Variants in HAVCR1 observed in about 807,000 individuals in gnomAD.
HAVCR1 encodes hepatitis A virus cellular receptor 1, also known as T cell immunoglobin domain and mucin domain protein 1.
Under a neutral mutation model 32.0 loss-of-function variants are expected in HAVCR1, and 34 were observed. That is an observed-to-expected ratio of 1.06 (90% CI 0.81 to 1.42). The LOEUF (loss-of-function observed/expected upper bound fraction) is 1.42. Ranked by LOEUF, HAVCR1 falls within the 40% of genes most tolerant of loss-of-function variation. The pLI, the probability that HAVCR1 is intolerant of heterozygous loss-of-function variation, is 0.00. For missense variants in HAVCR1, 420 were observed against 442.3 expected, an observed-to-expected ratio of 0.95 and a Z score of 0.45; for synonymous variants, 178 against 170.3, an observed-to-expected ratio of 1.05 and a Z score of -0.35.
At chr5:157,031,563 C>T (rs1261688800) in intron 8 of HAVCR1, among the ~76,000 whole-genome samples, 1 of 152,100 alleles carries the variant, frequency 6.6e-6, no homozygotes, top group Non-Finnish European at 1.5e-5. Flanking sequence ...GTCCCTCACG[C>T]CTATAATCCC....
Position 157,052,578 on chromosome 5 carries a change from C to G in HAVCR1, c.456G>C (p.Thr152=), listed in dbSNP as rs61734032. 2.5e-6 allele frequency: 4 copies of G among 1,596,264 alleles called. No homozygotes were observed. In the African/African-American group the frequency reaches 5.4e-5, roughly 21 times the overall value. ...CAGTCGTCATTGGAACAGTCGTTGTCGTTGGAACAGTGGTGCTCGTTCGAA... is the reference window on the plus strand; with the variant it reads ...CAGTCGTCATTGGAACAGTCGTTGTGGTTGGAACAGTGGTGCTCGTTCGAA... ...TTVRTSTTVP[T]TTTVPMTTVP... Residue 152 remains threonine, a synonymous_variant, in exon 4 of 9, where the codon ACG becomes ACC. Transcript: ENST00000523175.
At chr5:157,057,037 C>T (rs893922117) in intron 2 of HAVCR1, among the ~76,000 whole-genome samples, 2 of 152,032 alleles carry the variant, frequency 1.3e-5, no homozygotes, top group Non-Finnish European at 2.9e-5. Context: ...CCCAACTAGG[C>T]CAGGCGCGGT....
At chr5:157,050,113 T>G (rs1309961749) in intron 4 of HAVCR1, among the ~76,000 whole-genome samples, 1 of 152,204 alleles carries the variant, frequency 6.6e-6, no homozygotes, top group East Asian at 1.9e-4. Context: ...CTGTTTCTCT[T>G]TCTCCACCAC....
chr5:157,045,286 A>T (rs1755323431), intron 5 of HAVCR1, among the ~76,000 whole-genome samples: 1 of 152,152 alleles, frequency 6.6e-6, no homozygotes, highest in African/African-American at 2.4e-5. Flanking sequence ...GATAAGGGGA[A>T]AACTACTATA....
intron 7 of HAVCR1, among the ~76,000 whole-genome samples, chr5:157,036,433 C>T (rs1311537680): frequency 3.3e-5 from 5 of 152,262 alleles, no homozygotes; most frequent in African/African-American, 7.2e-5. Context: ...GAGCCACGAT[C>T]GTGCCATTGC....
intron 5 of HAVCR1, among the ~76,000 whole-genome samples, chr5:157,044,368 C>CGAAG (rs573183336): frequency 0.029 from 921 of 31,266 alleles, 105 homozygotes; most frequent in Non-Finnish European, 0.034. Flanking sequence ...AAAGAAAGGA[C>CGAAG]GAAGGAAGGA....
chr5:157,053,084 T>A (rs1336819819), intron 3 of HAVCR1, among the ~76,000 whole-genome samples: 1 of 151,926 alleles, frequency 6.6e-6, no homozygotes, highest in Non-Finnish European at 1.5e-5. Context: ...GGCTAATTTT[T>A]AAAAAAACTT....
chr5:157,057,637 G>T (rs4704840), intron 2 of HAVCR1, among the ~76,000 whole-genome samples: 1 of 152,124 alleles, frequency 6.6e-6, no homozygotes, highest in South Asian at 2.1e-4. Context: ...TAAACACAAA[G>T]GGCAGCCTGT....
At position 157,037,379 on chromosome 5, in the gene HAVCR1, G is replaced by T; in HGVS notation, c.838-18C>A. ...AACAGTTGCTGAGGAAACAACAACAGATCAAAAAAGCATCTTGTTAGAAAG... is the reference window on the plus strand; with the variant it reads ...AACAGTTGCTGAGGAAACAACAACATATCAAAAAAGCATCTTGTTAGAAAG... On this transcript the variant is annotated intron_variant, in intron 6 of 8. Transcript: ENST00000523175. 2 of 1,046,482 alleles carry T rather than the reference G, an allele frequency of 1.9e-6. No homozygotes were observed. The highest frequency in any genetic ancestry group is 1.3e-5 in the South Asian group (1 of 75,422). 64.8% of individuals were successfully genotyped at this position (1,046,482 alleles called of 1,614,324 possible).
rs185380041 is a variant in HAVCR1, at chr5:157,029,739, C to T, written c.1089G>A (p.Thr363=). 98 of 1,612,686 alleles carry T rather than the reference C, an allele frequency of 6.1e-5. 1 individual carries two copies. In the East Asian group the frequency reaches 1.2e-3, roughly 20 times the overall value. Residue 363 remains threonine (T), a synonymous_variant, in exon 9 of 9, where the codon ACG becomes ACA. Transcript: ENST00000523175. ...CAAAGAGCACCACTGGGTCTTAGTC[C>T]GTGGCATAAAGACTATTCTCAATGT... is the stretch of plus-strand genomic sequence containing the variant. ...NIYIENSLYA[T]D
the HAVCR1 span, among the ~76,000 whole-genome samples, chr5:157,065,185 G>A: frequency 6.6e-6 from 1 of 152,290 alleles, no homozygotes; most frequent in Admixed American, 6.5e-5. Flanking sequence ...CAGGCGTGGT[G>A]GCAGGTGCCT....
Position 157,052,501 on chromosome 5 carries a change from A to G in HAVCR1, c.533T>C (p.Val178Ala), listed in dbSNP as rs1194946533. Residue 178 changes from valine (V) to alanine (A), a missense_variant, in exon 4 of 9, where the codon GTT (valine) becomes GCT (alanine). Transcript: ENST00000523175. ...CGTTGAAACAGTCATTGTCGTCAGA[A>G]CAGTCGTTGTCGTTGGAATGCTCAT... ...TTMSIPTTTT[V>A]LTTMTVSTTT... 1.2e-6 allele frequency: 2 copies of G among 1,600,508 alleles called. No individual in the cohort carries two copies. The highest frequency in any genetic ancestry group is 4.5e-5 in the East Asian group (2 of 44,466).
At chr5:157,034,218 G>A (rs1180088804) in intron 7 of HAVCR1, among the ~76,000 whole-genome samples, 1 of 152,038 alleles carries the variant, frequency 6.6e-6, no homozygotes, top group Non-Finnish European at 1.5e-5. Context: ...GGGGGATGTG[G>A]CAGGACTATA....
Position 157,056,536 on chromosome 5 carries a change from C to T in HAVCR1, c.47-1003G>A, listed in dbSNP as rs574021733. ...CTGAGACTACAGGCACACGCCGCCA[C>T]GCCCGGCTAATTTTTTTGTATTTTT... On this transcript the variant is annotated intron_variant, in intron 2 of 8. Transcript: ENST00000523175. Among the ~76,000 whole-genome samples the T allele has an allele frequency of 7.2e-5, 11 of 152,018 alleles. No homozygotes were observed. In the South Asian group the frequency reaches 1.3e-3, roughly 17 times the overall value.
At chr5:157,036,967 C>T (rs975563070) in intron 7 of HAVCR1, among the ~76,000 whole-genome samples, 1 of 152,070 alleles carries the variant, frequency 6.6e-6, no homozygotes, top group Non-Finnish European at 1.5e-5. Context: ...CTCAAGCAAT[C>T]CTCCTGCCTC....
intron 5 of HAVCR1, among the ~76,000 whole-genome samples, chr5:157,044,094 G>A (rs143297049): frequency 0.046 from 6,936 of 152,172 alleles, 490 homozygotes; most frequent in African/African-American, 0.15. Flanking sequence ...CACTTAGGGA[G>A]GCTGAGGCAG....
chr5:157,061,746 A>G (rs1756493874), upstream of HAVCR1, among the ~76,000 whole-genome samples: 1 of 152,152 alleles, frequency 6.6e-6, no homozygotes, highest in South Asian at 2.1e-4. Context: ...ACAAATGGAA[A>G]CACAAACCCA....
Position 157,047,657 on chromosome 5 carries a change from T to C in HAVCR1, c.781+1381A>G, listed in dbSNP as rs114169892. On this transcript the variant is annotated intron_variant, in intron 5 of 8. Transcript: ENST00000523175. ...GTTCCCAAGGAAGAGCATGGAACCC[T>C]TTCCCATATACCTCATCCTGTGCAT... 5.7e-3 allele frequency among the ~76,000 whole-genome samples: 874 copies of C among 152,292 alleles called. 7 individuals carry two copies. Among genetic ancestry groups the C allele is most frequent in the African/African-American group, 0.019 (802 of 41,558 alleles).
rs1018907705 is a variant in HAVCR1 at position 157,048,910 on chromosome 5, A to T, written c.781+128T>A. The T allele has an allele frequency of 3.7e-5, 24 of 652,258 alleles. 1 individual carries two copies. The South Asian group carries it at 4.4e-4, about 12-fold the overall frequency. The allele number at this position is 652,258 out of a possible 1,614,324, so 40.4% of individuals were successfully genotyped here. ...AAAGGGTAGATATTTGTACAAGTCA[A>T]ATGACTGATCTGTGTGCCTGGTGTT... is the stretch of plus-strand genomic sequence containing the variant. On this transcript the variant is annotated intron_variant, in intron 5 of 8. Transcript: ENST00000523175.
Sources: allele counts gnomAD v4.1 joint callset (sites outside exome capture counted in the v4.1 genomes callset), GRCh38; gene constraint gnomAD v4.1.1; transcripts MANE v1.5; gene names NCBI Gene and HGNC (gene_info 2026-07-23, HGNC 2026-07-21).